The following FOXO3 variants were observed in gnomAD, a reference collection of about 807,000 sequenced individuals.
FOXO3 encodes the protein forkhead box protein O3.
A neutral mutation model predicts 41.9 loss-of-function variants in FOXO3; 4 were observed. That is an observed-to-expected ratio of 0.10 (90% confidence interval 0.05 to 0.22). The LOEUF (loss-of-function observed/expected upper bound fraction) is 0.22. FOXO3 is among the 10% of genes least tolerant of loss of function. The probability of loss-of-function intolerance (pLI) is 1.00; values close to 1 mark genes in which losing one functional copy is unlikely to be tolerated. For synonymous variants in FOXO3, 318 were observed against 389.3 expected (o/e 0.82, Z 2.16); for missense variants, 534 against 906.8 (o/e 0.59, Z 5.28).
intron 1 of FOXO3, among the ~76,000 whole-genome samples, chr6:108,643,341 C>G (rs1226820438): frequency 6.6e-6 from 1 of 152,098 alleles, no homozygotes; most frequent in Non-Finnish European, 1.5e-5. Context: ...AGGAAAGGAC[C>G]TGGGGAATGA....
chr6:108,584,178 T>G (rs1395671718), intron 1 of FOXO3, among the ~76,000 whole-genome samples: 1 of 152,118 alleles, frequency 6.6e-6, no homozygotes, highest in African/African-American at 2.4e-5. Flanking sequence ...GAGTCTGCAG[T>G]ATAGTGGGTG....
At chr6:108,585,022 CTTTTTTTTTTTTT>C (rs1159028928) in intron 1 of FOXO3, among the ~76,000 whole-genome samples, 45 of 51,534 alleles carry the variant, frequency 8.7e-4, no homozygotes, top group African/African-American at 2.8e-3. Flanking sequence ...TCTCCAAAAT[CTTTTTTTTTTTTT>C]TTTTTTTTTT....
chr6:108,604,697 T>C (rs1346988595), intron 1 of FOXO3, among the ~76,000 whole-genome samples: 2 of 152,174 alleles, frequency 1.3e-5, no homozygotes, highest in Non-Finnish European at 2.9e-5. Context: ...CCCCCTCAAC[T>C]TTTTGAAGGT....
At chr6:108,645,906 G>C (rs1402788245) in intron 1 of FOXO3, among the ~76,000 whole-genome samples, 1 of 152,162 alleles carries the variant, frequency 6.6e-6, no homozygotes, top group Non-Finnish European at 1.5e-5. Context: ...ATGCAGGAGG[G>C]CATGTCAGTA....
intron 1 of FOXO3, among the ~76,000 whole-genome samples, chr6:108,576,460 A>G (rs1776264489): frequency 6.6e-6 from 1 of 152,248 alleles, no homozygotes; most frequent in South Asian, 2.1e-4. Context: ...ATTTATCAGC[A>G]ACCTGTGCTG....
intron 1 of FOXO3, among the ~76,000 whole-genome samples, chr6:108,633,860 A>T (rs987809270): frequency 6.6e-6 from 1 of 151,980 alleles, no homozygotes; most frequent in South Asian, 2.1e-4. Flanking sequence ...AAAAAAAGTT[A>T]AAAAGCTGAG....
intron 1 of FOXO3, among the ~76,000 whole-genome samples, chr6:108,568,239 G>A (rs796602286): frequency 6.7e-6 from 1 of 148,800 alleles, no homozygotes; most frequent in Non-Finnish European, 1.5e-5. Flanking sequence ...TTTAAAGCGT[G>A]TGTTCATACC....
At position 108,600,089 on chromosome 6, in the gene FOXO3, C is replaced by T. The variant is rs140947737; in HGVS notation, c.621+38260C>T. Among the ~76,000 whole-genome samples the T allele has an allele frequency of 2.0e-4, 30 of 152,170 alleles. 1 individual carries two copies. The South Asian group carries it at 3.9e-3, about 20-fold the overall frequency. On this transcript the variant is annotated intron_variant, in intron 1 of 2. Coordinates refer to ENST00000406360, the MANE Select transcript of FOXO3 (RefSeq NM_001455.4). The stretch of plus-strand genomic sequence containing the variant: ...GATCCATTGGCCTGCAGTTAGAAGT[C>T]GAACACTGAACTTGGGAAAGCTTCT...
At chr6:108,569,001 G>C (rs927920000) in intron 1 of FOXO3, among the ~76,000 whole-genome samples, 3 of 152,234 alleles carry the variant, frequency 2.0e-5, no homozygotes, top group Admixed American at 6.5e-5. Flanking sequence ...AACATGCAGT[G>C]TCGAGAAAGT....
Position 108,561,597 on chromosome 6 carries a change from A to G in FOXO3, c.389A>G (p.Gln130Arg), listed in dbSNP as rs1775788679. 2 of 1,515,078 alleles carry G rather than the reference A, an allele frequency of 1.3e-6. No homozygotes were observed. The highest frequency in any genetic ancestry group is 1.8e-6 in the Non-Finnish European group (2 of 1,132,106). 93.9% of individuals were successfully genotyped at this position (1,515,078 alleles called of 1,614,324 possible). ...GGTACACAGGCGCTGCTGCAGCCTC[A>G]GCAACCGCTGCCACCGCCGCAGCCG... ...SGGTQALLQP[Q>R]QPLPPPQPGA... is the part of the protein sequence containing the mutation. The change falls in exon 1 of 3, where the codon CAG becomes CGG. Residue 130 changes from glutamine to arginine, a missense_variant. Gln to Arg is a conservative substitution (Grantham distance 43). Coordinates refer to ENST00000406360, the MANE Select transcript of FOXO3 (RefSeq NM_001455.4).
At chr6:108,678,562 T>G (rs1246567728) in intron 2 of FOXO3, among the ~76,000 whole-genome samples, 2 of 151,916 alleles carry the variant, frequency 1.3e-5, no homozygotes, top group Admixed American at 6.6e-5. Flanking sequence ...ATAAGACTTG[T>G]ATAAATTCAG....
chr6:108,639,414 A>G, intron 1 of FOXO3: 1 of 282,908 alleles, frequency 3.5e-6, no homozygotes, highest in Non-Finnish European at 5.3e-6. Flanking sequence ...TCAGAAGCTC[A>G]GTTTGTTGGT....
intron 2 of FOXO3, among the ~76,000 whole-genome samples, chr6:108,672,714 T>A (rs1779250543): frequency 6.6e-6 from 1 of 152,088 alleles, no homozygotes; most frequent in Non-Finnish European, 1.5e-5. Flanking sequence ...GTCTCCTCTC[T>A]CTCCCTCCCT....
At chr6:108,636,229 G>A (rs72942595) in intron 1 of FOXO3, among the ~76,000 whole-genome samples, 14,718 of 152,244 alleles carry the variant, frequency 0.097, 743 homozygotes, top group East Asian at 0.15. Context: ...CTAGTGTATC[G>A]ATGTTGTTCA....
chr6:108,588,852 A>C (rs1358754839), intron 1 of FOXO3, among the ~76,000 whole-genome samples: 1 of 152,240 alleles, frequency 6.6e-6, no homozygotes, highest in Non-Finnish European at 1.5e-5. Flanking sequence ...GCAACTAGAC[A>C]AAAAACCCAC....
chr6:108,683,097 A>G lies in FOXO3; in HGVS notation c.*3305A>G, dbSNP rs1582849573. The stretch of plus-strand genomic sequence containing the variant: ...TTTCCTTTATTGCTTCCTCTGCAAT[A>G]TGATTGCTGAAACACATTTTAAAAA... On this transcript the variant is annotated 3_prime_UTR_variant, in exon 3 of 3. Coordinates refer to ENST00000406360, the MANE Select transcript of FOXO3 (RefSeq NM_001455.4). The G allele has an allele frequency of 6.6e-6, 1 of 152,666 alleles. No individual in the cohort carries two copies. Among genetic ancestry groups the G allele is most frequent in the African/African-American group, 2.4e-5 (1 of 41,460 alleles). The allele number at this position is 152,666 out of a possible 1,614,324, so 9.5% of individuals were successfully genotyped here.
chr6:108,567,373 T>C (rs1420174738), intron 1 of FOXO3, among the ~76,000 whole-genome samples: 2 of 152,138 alleles, frequency 1.3e-5, no homozygotes, highest in Admixed American at 6.5e-5. Context: ...AGAGCACATC[T>C]TTGGCCCTGG....
intron 1 of FOXO3, among the ~76,000 whole-genome samples, chr6:108,632,555 G>A (rs944773948): frequency 3.3e-5 from 5 of 152,046 alleles, no homozygotes; most frequent in East Asian, 1.9e-4. Flanking sequence ...ATGCCTTTTC[G>A]TGCACCTGGG....
chr6:108,659,900 A>G (rs1054816898), intron 1 of FOXO3, among the ~76,000 whole-genome samples: 5 of 152,240 alleles, frequency 3.3e-5, no homozygotes, highest in African/African-American at 1.2e-4. Context: ...TTGCAGTTCT[A>G]TAAGATGTTT....
Sources: allele counts gnomAD v4.1 joint callset (sites outside exome capture counted in the v4.1 genomes callset), GRCh38; gene constraint gnomAD v4.1.1; transcripts MANE v1.5; gene names NCBI Gene and HGNC (gene_info 2026-07-23, HGNC 2026-07-21).